TRPM3: variants seen among roughly 807,000 people sequenced by gnomAD.
The protein encoded by TRPM3 is transient receptor potential cation channel subfamily M member 3.
TRPM3 carries 77 observed loss-of-function variants against 181.2 expected under a neutral mutation model. The ratio of observed to expected loss-of-function variants is 0.42; its 90% CI spans 0.35 to 0.51. The LOEUF is 0.51. TRPM3 is among the 20% of genes least tolerant of loss of function. The pLI, the probability that TRPM3 is intolerant of heterozygous loss-of-function variation, is 0.01. For missense variants in TRPM3, 1,759 were observed against 2,196.7 expected, an observed-to-expected ratio of 0.80 and a Z score of 3.98; for synonymous variants, 745 against 796.4, an observed-to-expected ratio of 0.94 and a Z score of 1.09.
intron 1 of TRPM3, among the ~76,000 whole-genome samples, chr9:71,414,114 CATA>C (rs914290342): frequency 1.1e-4 from 16 of 152,220 alleles, no homozygotes; most frequent in African/African-American, 3.6e-4. Context: ...TGCCATTCTT[CATA>C]ATGCTTATGG....
At chr9:70,913,270 G>A (rs953435847) in intron 1 of TRPM3, among the ~76,000 whole-genome samples, 1 of 152,154 alleles carries the variant, frequency 6.6e-6, no homozygotes, top group Admixed American at 6.5e-5. Context: ...CGTACGCAGA[G>A]GTATCCCAAT....
chr9:70,572,140 T>TGTGTGTGTGTGTG (rs1272978993), intron 22 of TRPM3, among the ~76,000 whole-genome samples: 1 of 125,912 alleles, frequency 7.9e-6, no homozygotes, highest in African/African-American at 3.1e-5. Flanking sequence ...GTGTGTGTGT[T>TGTGTGTGTGTGTG]TCCCACATGA....
intron 22 of TRPM3, among the ~76,000 whole-genome samples, chr9:70,565,689 C>T (rs1033431734): frequency 6.6e-6 from 1 of 152,200 alleles, no homozygotes; most frequent in Non-Finnish European, 1.5e-5. Flanking sequence ...AGGCAAGGCA[C>T]TTTGCTGTTC....
chr9:71,233,106 G>A (rs1292638994), intron 1 of TRPM3, among the ~76,000 whole-genome samples: 4 of 152,166 alleles, frequency 2.6e-5, no homozygotes, highest in Non-Finnish European at 4.4e-5. Context: ...TCATTTTACT[G>A]TCCTGCCTTA....
intron 1 of TRPM3, among the ~76,000 whole-genome samples, chr9:71,291,571 A>G (rs1046193030): frequency 2.6e-5 from 4 of 152,096 alleles, no homozygotes; most frequent in Admixed American, 2.6e-4. Context: ...ATCAAAATAG[A>G]CCCTAAGGCA....
At position 70,755,558 on chromosome 9, in the gene TRPM3, C is replaced by T. The variant is rs894197909; in HGVS notation, c.1272+6043G>A. On this transcript the variant is annotated intron_variant, in intron 8 of 25. Coordinates refer to ENST00000677713, the MANE Select transcript of TRPM3 (RefSeq NM_001366145.2). ...GCTAATTTTGTATTTTTAGTAGAGA[C>T]GGGGTTTCTTCATGTTGAGGCTGGT... 6.6e-5 allele frequency among the ~76,000 whole-genome samples: 10 copies of T among 151,926 alleles called. No homozygotes were observed. In the South Asian group the frequency reaches 1.2e-3, roughly 19 times the overall value.
At chr9:70,892,156 T>C (rs1032949487) in intron 1 of TRPM3, among the ~76,000 whole-genome samples, 3 of 152,184 alleles carry the variant, frequency 2.0e-5, no homozygotes, top group Non-Finnish European at 4.4e-5. Context: ...ATTTTAACAT[T>C]TTGTGCCTTA....
At chr9:70,640,933 TATA>T (rs1439998911) in intron 9 of TRPM3, among the ~76,000 whole-genome samples, 1 of 152,190 alleles carries the variant, frequency 6.6e-6, no homozygotes, top group African/African-American at 2.4e-5. Context: ...TTTTTTGATA[TATA>T]ATAATTGTAC....
chr9:71,046,550 C>T (rs1263976094), intron 1 of TRPM3, among the ~76,000 whole-genome samples: 4 of 152,138 alleles, frequency 2.6e-5, no homozygotes, highest in Non-Finnish European at 2.9e-5. Flanking sequence ...GATAGCCCTC[C>T]AAAAGGATTT....
chr9:71,076,192 A>G (rs374254706), intron 1 of TRPM3, among the ~76,000 whole-genome samples: 14 of 152,344 alleles, frequency 9.2e-5, no homozygotes, highest in African/African-American at 2.4e-4. Context: ...AAATTTTGCA[A>G]GACGGCTGTT....
chr9:71,112,483 A>T (rs1466904896), intron 1 of TRPM3, among the ~76,000 whole-genome samples: 1 of 152,172 alleles, frequency 6.6e-6, no homozygotes, highest in Non-Finnish European at 1.5e-5. Flanking sequence ...AAATCATCTC[A>T]AGGTCAAGGT....
chr9:71,131,669 T>C (rs929883172), intron 1 of TRPM3, among the ~76,000 whole-genome samples: 1 of 152,182 alleles, frequency 6.6e-6, no homozygotes, highest in African/African-American at 2.4e-5. Context: ...CAGTGCCCTT[T>C]TGCTTCCCCA....
intron 1 of TRPM3, among the ~76,000 whole-genome samples, chr9:71,111,170 A>G (rs1236256512): frequency 6.6e-6 from 1 of 152,224 alleles, no homozygotes; most frequent in African/African-American, 2.4e-5. Flanking sequence ...AGATGAGAAA[A>G]TGATTTCTTA....
rs149644647 is a variant in TRPM3 at position 71,328,714 on chromosome 9, C to T, written c.183+117939G>A. 4.3e-3 allele frequency among the ~76,000 whole-genome samples: 656 copies of T among 152,266 alleles called. 4 individuals are homozygous for T. The highest frequency in any genetic ancestry group is 0.015 in the African/African-American group (627 of 41,558). ...ATAGCAATACCTGTAACAAAACAAT[C>T]GCTTATTTAAAAATTCACAATTTAT... On this transcript the variant is annotated intron_variant, in intron 1 of 24. Coordinates refer to the TRPM3 transcript ENST00000357533.
chr9:70,873,805 C>T (rs1243922511), intron 1 of TRPM3, among the ~76,000 whole-genome samples: 1 of 151,864 alleles, frequency 6.6e-6, no homozygotes, highest in East Asian at 1.9e-4. Context: ...TGCCAGTTTC[C>T]ACTGCAAATC....
At chr9:71,202,330 G>T (rs894107903) in intron 1 of TRPM3, among the ~76,000 whole-genome samples, 5 of 152,144 alleles carry the variant, frequency 3.3e-5, no homozygotes, top group African/African-American at 1.2e-4. Context: ...ATCTCCATGT[G>T]CGTGCTGGGA....
chr9:71,352,188 T>C (rs1391642829), intron 1 of TRPM3, among the ~76,000 whole-genome samples: 1 of 152,162 alleles, frequency 6.6e-6, no homozygotes, highest in Non-Finnish European at 1.5e-5. Flanking sequence ...AATGAGAAGA[T>C]CTTTTAAGTG....
At chr9:71,286,664 A>G (rs1303545850) in intron 1 of TRPM3, among the ~76,000 whole-genome samples, 1 of 152,034 alleles carries the variant, frequency 6.6e-6, no homozygotes, top group Non-Finnish European at 1.5e-5. Context: ...AGTACAATAC[A>G]TTCTATTCAA....
In TRPM3 at chr9:70,549,680, GAAAA is replaced by G. The variant is rs76157078; in HGVS notation, c.3575-10_3575-7del. 9 of 1,247,240 alleles carry G rather than the reference GAAAA, an allele frequency of 7.2e-6. No homozygotes were observed. The highest frequency in any genetic ancestry group is 2.5e-5 in the Admixed American group (1 of 40,160). 77.3% of individuals were successfully genotyped at this position (1,247,240 alleles called of 1,614,324 possible). On this transcript the variant is annotated splice_region_variant and splice_polypyrimidine_tract_variant and intron_variant, in intron 24 of 25. Transcript: ENST00000677713. ...ATCATCGGTTATGAAGAGTTCTGTGGAAAAAAAAAAAAAGGAAGTCTTGAGGGAG... is the reference window on the plus strand; with the variant it reads ...ATCATCGGTTATGAAGAGTTCTGTGGAAAAAAAAAGGAAGTCTTGAGGGAG...
Sources: allele counts gnomAD v4.1 joint callset (sites outside exome capture counted in the v4.1 genomes callset), GRCh38; gene constraint gnomAD v4.1.1; transcripts MANE v1.5; gene names NCBI Gene and HGNC (gene_info 2026-07-23, HGNC 2026-07-21).